HIVEP1: variants seen among roughly 807,000 people sequenced by gnomAD.
HIVEP1 encodes the protein HIVEP zinc finger 1.
In HIVEP1, 36 loss-of-function variants were observed where a neutral mutation model predicts 180.0. The observed-to-expected ratio is 0.20, with a 90% confidence interval of 0.15 to 0.26. HIVEP1 has a LOEUF of 0.26. Ranked by LOEUF, HIVEP1 falls within the 10% of genes least tolerant of loss-of-function variation. The probability of loss-of-function intolerance (pLI) is 1.00; values close to 1 mark genes in which losing one functional copy is unlikely to be tolerated. For missense variants in HIVEP1, 3,143 were observed against 3,268.7 expected (o/e 0.96, Z 0.94); for synonymous variants, 1,239 against 1,239.0 (o/e 1.00, Z 0.00).
At chr6:12,150,960 C>CGGGAGCCCCTTCTCTCA in intron 7 of HIVEP1, among the ~76,000 whole-genome samples, 1 of 152,300 alleles carries the variant, frequency 6.6e-6, no homozygotes, top group East Asian at 1.9e-4. Context: ...TTGCTACCCT[C>CGGGAGCCCCTTCTCTCA]GGGAGCCCCT....
chr6:12,035,632 C>T (rs1426439523), intron 2 of HIVEP1, among the ~76,000 whole-genome samples: 1 of 152,012 alleles, frequency 6.6e-6, no homozygotes, highest in Non-Finnish European at 1.5e-5. Flanking sequence ...TATTTGTATA[C>T]CCACATAAGC....
At chr6:12,188,342 C>A in the HIVEP1 span, among the ~76,000 whole-genome samples, 1 of 152,120 alleles carries the variant, frequency 6.6e-6, no homozygotes, top group Non-Finnish European at 1.5e-5. Flanking sequence ...GTTCCTTGAG[C>A]TTTCAAAAAT....
chr6:12,080,632 A>G (rs1483452382), intron 2 of HIVEP1, among the ~76,000 whole-genome samples: 1 of 152,160 alleles, frequency 6.6e-6, no homozygotes, highest in Non-Finnish European at 1.5e-5. Flanking sequence ...CTATGATCTT[A>G]AAGTACAGTG....
chr6:12,119,503 G>A (rs112793315), intron 3 of HIVEP1, among the ~76,000 whole-genome samples: 3,788 of 152,296 alleles, frequency 0.025, 160 homozygotes, highest in African/African-American at 0.085. Flanking sequence ...TTTATCTGCA[G>A]TGCTGTAAGA....
chr6:12,013,883 A>C (rs1767565618), intron 1 of HIVEP1, among the ~76,000 whole-genome samples: 1 of 152,230 alleles, frequency 6.6e-6, no homozygotes, highest in Non-Finnish European at 1.5e-5. Flanking sequence ...TGCTGAGCTG[A>C]CATACAGCCA....
chr6:12,164,613 C>A lies in HIVEP1; in HGVS notation c.*152C>A. 1 of 640,156 alleles carries A rather than the reference C, an allele frequency of 1.6e-6. No individual in the cohort carries two copies. Among genetic ancestry groups the A allele is most frequent in the Non-Finnish European group, 2.6e-6 (1 of 382,744 alleles). The allele number at this position is 640,156 out of a possible 1,614,324, so 39.7% of individuals were successfully genotyped here. ...TTGACCAATAATTGTTGTTTTGTGT[C>A]AGCTCCAGCCATTTTTGTACATGTT... On this transcript the variant is annotated 3_prime_UTR_variant, in exon 9 of 9. Transcript: ENST00000379388.
upstream of HIVEP1, chr6:12,012,023 C>T (rs1396174936): frequency 6.9e-6 from 1 of 143,948 alleles, no homozygotes; most frequent in African/African-American, 2.5e-5. Flanking sequence ...CCCAAAGACG[C>T]TAAACGTGCC....
At position 12,019,029 on chromosome 6, in the gene HIVEP1, G is replaced by A. The variant is rs1431431373; in HGVS notation, c.40+3361G>A. Among the ~76,000 whole-genome samples, 8 of 152,148 alleles carry A rather than the reference G, an allele frequency of 5.3e-5. No individual in the cohort carries two copies. The East Asian group carries it at 1.3e-3, about 26-fold the overall frequency. On this transcript the variant is annotated intron_variant, in intron 2 of 8. Transcript: ENST00000379388. The stretch of plus-strand genomic sequence containing the variant: ...AATTGTGTCTGACTTGTCTGTGAGC[G>A]TTTAGGAAGTTGTTTGACTAAGGTA...
rs1265516823 is a variant in HIVEP1 at position 12,122,521 on chromosome 6, A to G, written c.2726A>G (p.Glu909Gly). The change falls in exon 4 of 9, where the codon GAA becomes GGA. Residue 909 changes from glutamate (E) to glycine (G), a missense_variant. Coordinates refer to ENST00000379388, the MANE Select transcript of HIVEP1 (RefSeq NM_002114.4). ...GCCATAGAAGACTCTTCAGCAAATG[A>G]AAGTCATGTTCTTGGTACTGGACAG... Reference protein sequence around the residue: ...QAAIEDSSANESHVLGTGQSL... With the variant: ...QAAIEDSSANGSHVLGTGQSL... The G allele has an allele frequency of 6.2e-7, 1 of 1,614,216 alleles. No homozygotes were observed. The highest frequency in any genetic ancestry group is 1.7e-5 in the Admixed American group (1 of 60,030).
At chr6:12,009,210 C>CG (rs1767157716), upstream of HIVEP1, among the ~76,000 whole-genome samples, 1 of 148,038 alleles carries the variant, frequency 6.8e-6, no homozygotes. Flanking sequence ...GTGCCTGAGC[C>CG]GGGCCCGGCC....
chr6:12,211,196 G>GC, the HIVEP1 span, among the ~76,000 whole-genome samples: 1 of 132,228 alleles, frequency 7.6e-6, no homozygotes, highest in Non-Finnish European at 1.6e-5. Flanking sequence ...TCAGGAGATT[G>GC]AGACCATCCT....
At chr6:12,174,762 CTTGTA>C in the HIVEP1 span, among the ~76,000 whole-genome samples, 4 of 152,088 alleles carry the variant, frequency 2.6e-5, no homozygotes, top group African/African-American at 9.7e-5. Flanking sequence ...CCATGATGGA[CTTGTA>C]TTGTCTCTTA....
chr6:12,014,669 G>T (rs1465849062), intron 1 of HIVEP1, among the ~76,000 whole-genome samples: 1 of 152,230 alleles, frequency 6.6e-6, no homozygotes, highest in Non-Finnish European at 1.5e-5. Flanking sequence ...TCTTGTGGAA[G>T]AGCCTGAGGT....
intron 2 of HIVEP1, among the ~76,000 whole-genome samples, chr6:12,078,974 T>C (rs923235303): frequency 6.6e-6 from 1 of 152,124 alleles, no homozygotes; most frequent in Non-Finnish European, 1.5e-5. Context: ...GAATCCATAC[T>C]GGATTAGTAG....
intron 2 of HIVEP1, among the ~76,000 whole-genome samples, chr6:12,047,507 G>C (rs1770218524): frequency 6.6e-6 from 1 of 152,260 alleles, no homozygotes; most frequent in South Asian, 2.1e-4. Flanking sequence ...GGTGCTGGGA[G>C]GGGAGACAGG....
chr6:12,158,240 T>A (rs1312174579), intron 7 of HIVEP1, among the ~76,000 whole-genome samples: 1 of 152,330 alleles, frequency 6.6e-6, no homozygotes, highest in East Asian at 1.9e-4. Flanking sequence ...CCTAGAAATG[T>A]GCATGCCTCT....
At chr6:12,199,362 T>A in the HIVEP1 span, among the ~76,000 whole-genome samples, 1 of 72,606 alleles carries the variant, frequency 1.4e-5, no homozygotes, top group South Asian at 4.3e-4. Context: ...TGTCAATCCT[T>A]TTTTTTTTTT....
chr6:12,120,924 A>G lies in HIVEP1; in HGVS notation c.1129A>G (p.Thr377Ala). ...GCCCCCCATGCCAATCTATAATTCAACTCATGTTGCCTCTGTTGTTAATCA... is the reference window on the plus strand; with the variant it reads ...GCCCCCCATGCCAATCTATAATTCAGCTCATGTTGCCTCTGTTGTTAATCA... ...QSPPMPIYNS[T>A]HVASVVNQSV... Residue 377 changes from threonine (T) to alanine (A), a missense_variant, in exon 4 of 9, where the codon ACT (threonine) becomes GCT (alanine). This residue lies in a region of HIVEP1 where 306 missense variants were observed against 310.6 expected (regional missense o/e 0.99). Transcript: ENST00000379388. The G allele has an allele frequency of 6.2e-7, 1 of 1,614,082 alleles. No homozygotes were observed. The highest frequency in any genetic ancestry group is 8.5e-7 in the Non-Finnish European group (1 of 1,180,018).
chr6:12,024,439 G>A (rs768484312), intron 2 of HIVEP1, among the ~76,000 whole-genome samples: 1 of 152,054 alleles, frequency 6.6e-6, no homozygotes, highest in Non-Finnish European at 1.5e-5. Flanking sequence ...AGCATGAATT[G>A]GAACCATACG....
Sources: gnomAD v4.1 joint callset for allele counts (sites outside exome capture counted in the v4.1 genomes callset) on GRCh38, gnomAD v4.1.1 for gene constraint, gnomAD v4.1.1 regional missense constraint, MANE v1.5 for transcripts, NCBI Gene and HGNC (gene_info 2026-07-23, HGNC 2026-07-21) for gene names.